Variants in MYT1L observed in about 807,000 individuals in gnomAD.
MYT1L encodes myelin transcription factor 1-like protein.
MYT1L carries 12 observed loss-of-function variants against 126.7 expected under a neutral mutation model. That is an observed-to-expected ratio of 0.09 (90% CI 0.06 to 0.15). MYT1L has a LOEUF of 0.15. Ranked by LOEUF, MYT1L falls within the 10% of genes least tolerant of loss-of-function variation. MYT1L has a pLI of 1.00. For missense variants in MYT1L, 979 were observed against 1,585.2 expected, an observed-to-expected ratio of 0.62 and a Z score of 6.49; for synonymous variants, 541 against 604.2, an observed-to-expected ratio of 0.90 and a Z score of 1.53.
rs545863888 is a variant in MYT1L at position 2,302,372 on chromosome 2, C to T, written c.-520-17869G>A. ...CGATTTAAAAATGCACAGAAGTGAT[C>T]GTATGATTTTGGTTTGTTCTTTTAT... On this transcript the variant is annotated intron_variant, in intron 1 of 24. Coordinates refer to ENST00000647738, the MANE Select transcript of MYT1L (RefSeq NM_001303052.2). Among the ~76,000 whole-genome samples the T allele has an allele frequency of 3.9e-4, 59 of 152,184 alleles. 2 individuals carry two copies. The East Asian group carries it at 0.01, about 26-fold the overall frequency.
chr2:1,883,669 T>C (rs943212679), intron 18 of MYT1L, among the ~76,000 whole-genome samples: 4 of 152,074 alleles, frequency 2.6e-5, no homozygotes, highest in African/African-American at 9.7e-5. Context: ...GCATACAAGG[T>C]GACGGTGAAC....
At chr2:1,932,902 G>C (rs2055210643) in intron 9 of MYT1L, among the ~76,000 whole-genome samples, 1 of 152,146 alleles carries the variant, frequency 6.6e-6, no homozygotes, top group African/African-American at 2.4e-5. Context: ...ACACAACCCT[G>C]GATGCCTTCT....
At chr2:1,876,302 G>C (rs982047644) in intron 18 of MYT1L, among the ~76,000 whole-genome samples, 2 of 152,176 alleles carry the variant, frequency 1.3e-5, no homozygotes, top group African/African-American at 4.8e-5. Context: ...AGAGTGAGAA[G>C]GGGTGGGTCT....
rs914994043 is a variant in MYT1L at position 1,942,917 on chromosome 2, G to A, written c.505+65C>T. 1.0e-5 allele frequency: 15 copies of A among 1,459,820 alleles called. No homozygotes were observed. The African/African-American group carries it at 1.8e-4, about 18-fold the overall frequency. 90.4% of individuals were successfully genotyped at this position (1,459,820 alleles called of 1,614,324 possible). ...TGCCAGTCATTCGTAGTAACAGCCG[G>A]CAATTCACCTTGAACAGTGGACCCA... On this transcript the variant is annotated intron_variant, in intron 9 of 24. Coordinates refer to ENST00000647738, the MANE Select transcript of MYT1L (RefSeq NM_001303052.2).
chr2:2,134,499 C>T (rs1458643033), intron 3 of MYT1L, among the ~76,000 whole-genome samples: 1 of 152,122 alleles, frequency 6.6e-6, no homozygotes, highest in Admixed American at 6.5e-5. Flanking sequence ...TATGTTGATG[C>T]CCTAACCACA....
chr2:1,791,003 GA>G lies in MYT1L; in HGVS notation c.*863del. 1 of 298,508 alleles carries G rather than the reference GA, an allele frequency of 3.3e-6. No individual in the cohort carries two copies. Among genetic ancestry groups the G allele is most frequent in the Non-Finnish European group, 6.7e-6 (1 of 149,698 alleles). 18.5% of individuals were successfully genotyped at this position (298,508 alleles called of 1,614,324 possible). ...CGAGAAGGTTGTTCCAAAGTTTATTGAAAATGGAAAAGGAAATCTTCACGTT... is the reference window on the plus strand; with the variant it reads ...CGAGAAGGTTGTTCCAAAGTTTATTGAAATGGAAAAGGAAATCTTCACGTT... On this transcript the variant is annotated 3_prime_UTR_variant, in exon 25 of 25. Coordinates refer to ENST00000647738, the MANE Select transcript of MYT1L (RefSeq NM_001303052.2). This position sits in a 1 kb window ranked among gnomAD's most constrained non-coding sequence, Gnocchi z 6.0.
At chr2:2,315,206 G>C (rs1202158568) in intron 1 of MYT1L, among the ~76,000 whole-genome samples, 6 of 152,046 alleles carry the variant, frequency 3.9e-5, no homozygotes, top group African/African-American at 1.4e-4. Context: ...TATGTCTTGG[G>C]TCCTCAGCTG....
intron 2 of MYT1L, among the ~76,000 whole-genome samples, chr2:2,217,693 AC>A (rs1487257098): frequency 0.027 from 2,888 of 106,136 alleles, 178 homozygotes; most frequent in African/African-American, 0.051. Flanking sequence ...AACAACAACA[AC>A]AACAACAACA....
chr2:1,977,005 C>A (rs1024626673), intron 8 of MYT1L, among the ~76,000 whole-genome samples: 1 of 152,004 alleles, frequency 6.6e-6, no homozygotes, highest in Non-Finnish European at 1.5e-5. Flanking sequence ...GCCAAGTAAC[C>A]GGGAAATAGT....
intron 19 of MYT1L, 57 bp from the exon 20 acceptor site, chr2:1,840,900 C>CTTTTTTTTTTTTTTTTTTTTTTTGTTTTT: frequency 1.3e-6 from 1 of 759,244 alleles, no homozygotes; most frequent in South Asian, 1.9e-5. Context: ...AGTGAGCTTT[C>CTTTTTTTTTTTTTTTTTTTTTTTGTTTTT]TTTCTTTTTT....
intron 18 of MYT1L, among the ~76,000 whole-genome samples, chr2:1,854,029 G>T (rs1345525460): frequency 6.6e-6 from 1 of 152,150 alleles, no homozygotes; most frequent in Non-Finnish European, 1.5e-5. Flanking sequence ...TGTCCTTCTT[G>T]TTATAGGAGA....
Position 1,979,069 on chromosome 2 carries a change from C to T in MYT1L, c.152+96G>A. 1 of 991,852 alleles carries T rather than the reference C, an allele frequency of 1.0e-6. No homozygotes were observed. The highest frequency in any genetic ancestry group is 1.5e-6 in the Non-Finnish European group (1 of 647,150). 61.4% of individuals were successfully genotyped at this position (991,852 alleles called of 1,614,324 possible). Reference sequence around the variant, plus strand: ...AAGAAGGCATAATGTGTATTGCTTTCCAAGAACACCTGCTCACACAGTTCA... The same window carrying T: ...AAGAAGGCATAATGTGTATTGCTTTTCAAGAACACCTGCTCACACAGTTCA... On this transcript the variant is annotated intron_variant, in intron 8 of 24. Coordinates refer to ENST00000647738, the MANE Select transcript of MYT1L (RefSeq NM_001303052.2). The surrounding 1 kb of genome is among the most constrained non-coding windows in gnomAD (Gnocchi z 4.0).
intron 4 of MYT1L, among the ~76,000 whole-genome samples, chr2:2,026,015 G>C (rs912836233): frequency 6.6e-6 from 1 of 152,138 alleles, no homozygotes; most frequent in African/African-American, 2.4e-5. Context: ...AAAGTAGCAG[G>C]GCCAGCCCTG....
Position 1,791,265 on chromosome 2 carries a change from A to AAAAC in MYT1L, c.*598_*601dup. The AAAAC allele has an allele frequency of 2.1e-6, 1 of 468,116 alleles. No homozygotes were observed. The highest frequency in any genetic ancestry group is 4.4e-6 in the Non-Finnish European group (1 of 226,370). The allele number at this position is 468,116 out of a possible 1,614,324, so 29.0% of individuals were successfully genotyped here. ...TGCCCCCACCATACACCATCCTCCT[A>AAAAC]AAACAAACAAACAAAAAAGTCACAT... On this transcript the variant is annotated 3_prime_UTR_variant, in exon 25 of 25. Transcript: ENST00000647738. The surrounding 1 kb of genome is among the most constrained non-coding windows in gnomAD (Gnocchi z 6.0).
intron 18 of MYT1L, among the ~76,000 whole-genome samples, chr2:1,870,770 G>A (rs772465747): frequency 3.3e-5 from 5 of 152,238 alleles, no homozygotes; most frequent in Non-Finnish European, 7.3e-5. Context: ...AGTTACGGAA[G>A]ATTGGGTTGA....
Position 1,819,557 on chromosome 2 carries a change from T to C in MYT1L, c.3081-10390A>G, listed in dbSNP as rs1353879987. Among the ~76,000 whole-genome samples, 3 of 152,208 alleles carry C rather than the reference T, an allele frequency of 2.0e-5. No individual in the cohort carries two copies. In the East Asian group the frequency reaches 5.8e-4, roughly 29 times the overall value. On this transcript the variant is annotated intron_variant, in intron 21 of 24. Coordinates refer to ENST00000647738, the MANE Select transcript of MYT1L (RefSeq NM_001303052.2). The stretch of plus-strand genomic sequence containing the variant: ...CAGCCTCACCCTCCACTCCTCCTCC[T>C]GCAGCCTCTCTCCATGCACCCGTGA...
intron 4 of MYT1L, among the ~76,000 whole-genome samples, chr2:2,027,415 A>T (rs1369543456): frequency 6.6e-6 from 1 of 152,144 alleles, no homozygotes; most frequent in African/African-American, 2.4e-5. Context: ...TGAAAGGGAG[A>T]TTCGGTTGGC....
intron 8 of MYT1L, among the ~76,000 whole-genome samples, chr2:1,971,685 C>A (rs987270417): frequency 3.9e-5 from 6 of 152,120 alleles, no homozygotes; most frequent in African/African-American, 1.2e-4. Context: ...GAGCTGAGAT[C>A]GTGCCACTGC....
At chr2:2,117,272 A>G (rs968767450) in intron 3 of MYT1L, among the ~76,000 whole-genome samples, 9 of 152,236 alleles carry the variant, frequency 5.9e-5, no homozygotes, top group African/African-American at 2.2e-4. Context: ...TCAAAATAAG[A>G]TTTTTGTTGA....
Sources: allele counts gnomAD v4.1 joint callset (sites outside exome capture counted in the v4.1 genomes callset), GRCh38; gene constraint gnomAD v4.1.1; non-coding constraint Gnocchi (gnomAD v3.1); transcripts MANE v1.5; gene names NCBI Gene and HGNC (gene_info 2026-07-23, HGNC 2026-07-21).